ZSCAN25: variants seen among roughly 807,000 people sequenced by gnomAD.
ZSCAN25 encodes the protein zinc finger and SCAN domain containing 25.
ZSCAN25 carries 27 observed loss-of-function variants against 38.7 expected under a neutral mutation model. That is an observed-to-expected ratio of 0.70 (90% CI 0.51 to 0.96). The LOEUF (loss-of-function observed/expected upper bound fraction) is 0.96. Among genes scored for constraint, ZSCAN25 ranks in the 40% least tolerant of loss-of-function variants. The probability of loss-of-function intolerance (pLI) is 0.00; values close to 1 mark genes in which losing one functional copy is unlikely to be tolerated. For missense variants in ZSCAN25, 637 were observed against 705.9 expected (o/e 0.90, Z 1.11); for synonymous variants, 273 against 277.7 (o/e 0.98, Z 0.17).
At chr7:99,708,000 A>G in the ZSCAN25 span, 6 of 1,613,632 alleles carry the variant, frequency 3.7e-6, no homozygotes, top group East Asian at 8.9e-5. Flanking sequence ...TAGATATTTT[A>G]AAAGTTAAAG....
At chr7:99,735,840 C>T in the ZSCAN25 span, among the ~76,000 whole-genome samples, 1 of 152,200 alleles carries the variant, frequency 6.6e-6, no homozygotes. Context: ...GGGTGCTGTA[C>T]ACACAGTGGG....
the ZSCAN25 span, among the ~76,000 whole-genome samples, chr7:99,684,721 A>C: frequency 1.1e-4 from 16 of 152,234 alleles, no homozygotes; most frequent in Admixed American, 9.8e-4. Flanking sequence ...ATATAAACTT[A>C]TTATAGAATG....
chr7:99,722,480 T>C, the ZSCAN25 span: 1 of 1,121,224 alleles, frequency 8.9e-7, no homozygotes, highest in African/African-American at 1.6e-5. Context: ...TATTTAGAGA[T>C]GTCATAAGAG....
chr7:99,654,054 GCTT>G, the ZSCAN25 span, among the ~76,000 whole-genome samples: 720 of 152,114 alleles, frequency 4.7e-3, 3 homozygotes, highest in African/African-American at 0.016. Flanking sequence ...AGCAATAAAT[GCTT>G]CTCATTAGAT....
the ZSCAN25 span, chr7:99,709,185 G>T: frequency 2.5e-6 from 4 of 1,613,820 alleles, no homozygotes; most frequent in African/African-American, 5.3e-5. Context: ...CATAGCAACT[G>T]GGAATAATCT....
chr7:99,724,241 C>T, the ZSCAN25 span, among the ~76,000 whole-genome samples: 5 of 152,198 alleles, frequency 3.3e-5, no homozygotes, highest in Non-Finnish European at 7.4e-5. Context: ...TGACCTAAAA[C>T]CTAAATGCCT....
the ZSCAN25 span, among the ~76,000 whole-genome samples, chr7:99,704,381 C>T: frequency 1.3e-5 from 2 of 152,094 alleles, no homozygotes; most frequent in Non-Finnish European, 2.9e-5. Flanking sequence ...GCCTCCACCT[C>T]CCAGGTTCAA....
At chr7:99,704,692 C>G in the ZSCAN25 span, among the ~76,000 whole-genome samples, 15 of 151,838 alleles carry the variant, frequency 9.9e-5, no homozygotes, top group African/African-American at 3.6e-4. Flanking sequence ...GGCTGGGCAC[C>G]GTGGCTCATG....
the ZSCAN25 span, chr7:99,722,196 CTTCATCGCAA>C: frequency 6.8e-7 from 1 of 1,474,598 alleles, no homozygotes; most frequent in Non-Finnish European, 9.4e-7. Flanking sequence ...CTGGCAAGAG[CTTCATCGCAA>C]GAGGCTCTGG....
rs963990989 is a variant in ZSCAN25 at position 99,622,356 on chromosome 7, A to G, written c.590-193A>G. 4 of 625,520 alleles carry G rather than the reference A, an allele frequency of 6.4e-6. No individual in the cohort carries two copies. The African/African-American group carries it at 7.4e-5, about 12-fold the overall frequency. The allele number at this position is 625,520 out of a possible 1,614,324, so 38.7% of individuals were successfully genotyped here. On this transcript the variant is annotated intron_variant, in intron 5 of 7. Coordinates refer to ENST00000394152, the MANE Select transcript of ZSCAN25 (RefSeq NM_145115.3). ...TGAGAACAGGAGACACCCAGGCCCC[A>G]GCTGAGAATAGGGCAAGGGACACCC...
the ZSCAN25 span, among the ~76,000 whole-genome samples, chr7:99,679,006 C>T: frequency 1.3e-5 from 2 of 152,238 alleles, no homozygotes; most frequent in African/African-American, 4.8e-5. Flanking sequence ...TCCAAATTGG[C>T]TTTCATGGCT....
chr7:99,685,165 C>T, the ZSCAN25 span: 1 of 1,611,440 alleles, frequency 6.2e-7, no homozygotes, highest in Non-Finnish European at 8.5e-7. Flanking sequence ...GGTCCCATCC[C>T]TTGACTCAAC....
chr7:99,684,310 GGT>G, the ZSCAN25 span, among the ~76,000 whole-genome samples: 1,497 of 151,748 alleles, frequency 9.9e-3, 16 homozygotes, highest in Non-Finnish European at 0.014. Flanking sequence ...TGAGATTATA[GGT>G]GCATACCACC....
the ZSCAN25 span, among the ~76,000 whole-genome samples, chr7:99,723,027 TA>T: frequency 1.3e-5 from 2 of 150,870 alleles, no homozygotes; most frequent in South Asian, 2.1e-4. Context: ...CACTGAAACT[TA>T]AAAAAAAACC....
the ZSCAN25 span, chr7:99,700,066 AGT>A: frequency 6.8e-7 from 1 of 1,479,944 alleles, no homozygotes; most frequent in South Asian, 1.1e-5. Flanking sequence ...GTCTCCTCTG[AGT>A]CTTACTTTCA....
At chr7:99,732,534 C>G in the ZSCAN25 span, among the ~76,000 whole-genome samples, 1 of 152,160 alleles carries the variant, frequency 6.6e-6, no homozygotes, top group Non-Finnish European at 1.5e-5. Flanking sequence ...CTGCTGCTCC[C>G]TATAGCAGGC....
the ZSCAN25 span, among the ~76,000 whole-genome samples, chr7:99,646,241 A>G: frequency 2.6e-5 from 4 of 152,224 alleles, no homozygotes; most frequent in Non-Finnish European, 5.9e-5. Flanking sequence ...CTTGAAATAT[A>G]TAAACATGGA....
the ZSCAN25 span, among the ~76,000 whole-genome samples, chr7:99,691,861 G>A: frequency 6.6e-6 from 1 of 152,124 alleles, no homozygotes; most frequent in Non-Finnish European, 1.5e-5. Flanking sequence ...TCATCAGTCT[G>A]TGTCTTTTAA....
the ZSCAN25 span, among the ~76,000 whole-genome samples, chr7:99,657,790 A>C: frequency 2.0e-5 from 3 of 152,214 alleles, no homozygotes; most frequent in Non-Finnish European, 4.4e-5. Context: ...ATATATATTT[A>C]GGATAGTTAG....
Sources: gnomAD v4.1 joint callset for allele counts (sites outside exome capture counted in the v4.1 genomes callset) on GRCh38, gnomAD v4.1.1 for gene constraint, MANE v1.5 for transcripts, NCBI Gene and HGNC (gene_info 2026-07-23, HGNC 2026-07-21) for gene names.